PTPRT: variants seen among roughly 807,000 people sequenced by gnomAD.
PTPRT encodes the protein receptor-type tyrosine-protein phosphatase T.
Under a neutral mutation model 176.8 loss-of-function variants are expected in PTPRT, and 56 were observed. That is an observed-to-expected ratio of 0.32 (90% confidence interval 0.26 to 0.40). The LOEUF (loss-of-function observed/expected upper bound fraction) is 0.40, where lower values mean the gene tolerates loss of function less well. Among genes scored for constraint, PTPRT ranks in the 10% least tolerant of loss-of-function variants. The pLI is 1.00. For missense variants in PTPRT, 1,540 were observed against 1,908.2 expected (o/e 0.81, Z 3.60); for synonymous variants, 783 against 739.0 (o/e 1.06, Z -0.96).
In PTPRT at chr20:42,350,654, G is replaced by T; in HGVS notation, c.1839C>A (p.Pro613=). 1.2e-6 allele frequency: 2 copies of T among 1,612,954 alleles called. No homozygotes were observed. The highest frequency in any genetic ancestry group is 1.7e-6 in the Non-Finnish European group (2 of 1,178,902). Residue 613 remains proline, a synonymous_variant, in exon 11 of 31, where the codon CCC becomes CCA. Transcript: ENST00000373187. ...TDTTITVMLK[P]AQSRGAPVSV... ...TGACAGGAGCTCCCCGGGACTGAGCGGGTTTCAGCATCACTGTGATGGTCG... is the reference window on the plus strand; with the variant it reads ...TGACAGGAGCTCCCCGGGACTGAGCTGGTTTCAGCATCACTGTGATGGTCG...
intron 17 of PTPRT, among the ~76,000 whole-genome samples, chr20:42,147,616 T>A (rs1050146699): frequency 4.6e-5 from 7 of 152,154 alleles, no homozygotes; most frequent in African/African-American, 1.7e-4. Flanking sequence ...CCTCTCACCA[T>A]CAACAAACAC....
intron 16 of PTPRT, among the ~76,000 whole-genome samples, chr20:42,177,239 G>C (rs1290684882): frequency 1.3e-5 from 2 of 152,138 alleles, no homozygotes; most frequent in African/African-American, 4.8e-5. Context: ...TGATGATGCT[G>C]GTCCATGGAC....
intron 7 of PTPRT, among the ~76,000 whole-genome samples, chr20:42,640,039 G>T (rs1344054955): frequency 2.0e-5 from 3 of 152,062 alleles, no homozygotes; most frequent in East Asian, 1.9e-4. Flanking sequence ...CATCATAAAA[G>T]TGTTGTCTAC....
intron 16 of PTPRT, among the ~76,000 whole-genome samples, chr20:42,183,194 A>T (rs913478308): frequency 5.3e-5 from 8 of 152,128 alleles, no homozygotes; most frequent in African/African-American, 1.9e-4. Flanking sequence ...GTTCCTGCTT[A>T]CCTCTTCAGG....
chr20:42,267,474 C>T (rs750058941), intron 13 of PTPRT, among the ~76,000 whole-genome samples: 6 of 152,286 alleles, frequency 3.9e-5, no homozygotes, highest in Non-Finnish European at 7.4e-5. Context: ...ACTTTTCTCA[C>T]GTGACTCTAA....
intron 2 of PTPRT, among the ~76,000 whole-genome samples, chr20:42,864,025 C>A (rs1442917944): frequency 1.3e-5 from 2 of 152,208 alleles, no homozygotes; most frequent in African/African-American, 2.4e-5. Context: ...AAGGACCCTT[C>A]AGCCCTGTTC....
chr20:42,762,681 A>T (rs949870723), intron 5 of PTPRT, among the ~76,000 whole-genome samples: 2 of 152,204 alleles, frequency 1.3e-5, no homozygotes, highest in Non-Finnish European at 2.9e-5. Context: ...CTATCTGCAT[A>T]TCAAGCTACA....
intron 1 of PTPRT, among the ~76,000 whole-genome samples, chr20:43,158,401 G>T (rs1344073405): frequency 1.3e-5 from 2 of 152,204 alleles, no homozygotes; most frequent in African/African-American, 4.8e-5. Context: ...AATATTGGAG[G>T]CAAGAGCTCT....
At chr20:42,119,872 G>C in intron 20 of PTPRT, 63 bp downstream of exon 20, 1 of 1,440,180 alleles carries the variant, frequency 6.9e-7, no homozygotes, top group Non-Finnish European at 9.6e-7. Context: ...GCAGTTAAGA[G>C]AGCCCTTTCC....
At chr20:42,344,034 G>C (rs946735076) in intron 11 of PTPRT, among the ~76,000 whole-genome samples, 1 of 152,174 alleles carries the variant, frequency 6.6e-6, no homozygotes, top group Non-Finnish European at 1.5e-5. Context: ...CAACTAGCTG[G>C]AATTACAGGT....
chr20:42,163,942 A>G (rs1332222301), intron 16 of PTPRT, among the ~76,000 whole-genome samples: 2 of 152,220 alleles, frequency 1.3e-5, no homozygotes, highest in East Asian at 3.9e-4. Context: ...TCCAGCGAAT[A>G]TCACTCCTGT....
At chr20:42,660,682 C>G (rs1365429748) in intron 7 of PTPRT, among the ~76,000 whole-genome samples, 3 of 152,158 alleles carry the variant, frequency 2.0e-5, no homozygotes, top group Non-Finnish European at 2.9e-5. Context: ...TGCATCCCTC[C>G]AGGTGCCATC....
chr20:42,100,427 G>C (rs979331037), intron 26 of PTPRT, among the ~76,000 whole-genome samples: 20 of 152,234 alleles, frequency 1.3e-4, no homozygotes, highest in African/African-American at 4.8e-4. Flanking sequence ...CTGGAATACA[G>C]ATAAGGACGA....
At chr20:43,166,112 G>A (rs915994870) in intron 1 of PTPRT, among the ~76,000 whole-genome samples, 1 of 152,126 alleles carries the variant, frequency 6.6e-6, no homozygotes, top group Admixed American at 6.6e-5. Context: ...ATCACCTGAG[G>A]TCAGGAGTTC....
At chr20:42,789,267 T>C (rs1243409830) in intron 3 of PTPRT, among the ~76,000 whole-genome samples, 2 of 152,246 alleles carry the variant, frequency 1.3e-5, no homozygotes, top group East Asian at 1.9e-4. Context: ...TTTGGATACG[T>C]TGGTTTAAGT....
intron 7 of PTPRT, among the ~76,000 whole-genome samples, chr20:42,525,850 G>A (rs1036445896): frequency 5.9e-5 from 9 of 152,018 alleles, no homozygotes; most frequent in African/African-American, 2.2e-4. Context: ...ACATTAATGG[G>A]GACCATATTC....
intron 2 of PTPRT, among the ~76,000 whole-genome samples, chr20:42,841,323 GCT>G (rs753186514): frequency 3.9e-5 from 6 of 152,124 alleles, no homozygotes; most frequent in Non-Finnish European, 8.8e-5. Context: ...CCTCTCTGAA[GCT>G]CTGTTTCCCC....
chr20:42,099,411 C>T (rs1267483743), intron 26 of PTPRT, among the ~76,000 whole-genome samples: 1 of 152,140 alleles, frequency 6.6e-6, no homozygotes, highest in Non-Finnish European at 1.5e-5. Flanking sequence ...AGAAACACCC[C>T]TGACTTTGTT....
At chr20:42,862,191 A>C (rs1412201272) in intron 2 of PTPRT, among the ~76,000 whole-genome samples, 4 of 152,158 alleles carry the variant, frequency 2.6e-5, no homozygotes, top group Non-Finnish European at 4.4e-5. Context: ...CCACATTTCA[A>C]GTGCTGGAGG....
Sources: allele counts gnomAD v4.1 joint callset (sites outside exome capture counted in the v4.1 genomes callset), GRCh38; gene constraint gnomAD v4.1.1; transcripts MANE v1.5; gene names NCBI Gene and HGNC (gene_info 2026-07-23, HGNC 2026-07-21).